Variants in PIK3C2G observed in about 807,000 individuals in gnomAD.
The protein encoded by PIK3C2G is phosphatidylinositol 3-kinase C2 domain-containing subunit gamma.
In PIK3C2G, 168 loss-of-function variants were observed where a neutral mutation model predicts 181.1. The ratio of observed to expected loss-of-function variants is 0.93; its 90% CI spans 0.82 to 1.05. The LOEUF (loss-of-function observed/expected upper bound fraction) is 1.05. Ranked by LOEUF, PIK3C2G falls within the 50% of genes least tolerant of loss-of-function variation. PIK3C2G has a pLI of 0.00. For missense variants in PIK3C2G, 1,869 were observed against 1,732.8 expected (o/e 1.08, Z -1.40); for synonymous variants, 573 against 592.2 (o/e 0.97, Z 0.47).
At chr12:18,384,145 T>C (rs544399692) in intron 14 of PIK3C2G, among the ~76,000 whole-genome samples, 1 of 152,160 alleles carries the variant, frequency 6.6e-6, no homozygotes, top group African/African-American at 2.4e-5. Context: ...GAAGAATATT[T>C]TAGTGATCTA....
At chr12:18,661,237 GA>G in the PIK3C2G span, among the ~76,000 whole-genome samples, 1 of 152,052 alleles carries the variant, frequency 6.6e-6, no homozygotes, top group Admixed American at 6.6e-5. Flanking sequence ...ATTATTTGAA[GA>G]AATAGTACCC....
At position 18,339,120 on chromosome 12, in the gene PIK3C2G, T is replaced by G. The variant is rs574796140; in HGVS notation, c.1395+572T>G. Among the ~76,000 whole-genome samples, 36 of 152,256 alleles carry G rather than the reference T, an allele frequency of 2.4e-4. 1 individual carries two copies. The highest frequency in any genetic ancestry group is 8.4e-4 in the African/African-American group (35 of 41,570). On this transcript the variant is annotated intron_variant, in intron 9 of 32. Coordinates refer to ENST00000538779, the MANE Select transcript of PIK3C2G (RefSeq NM_001288772.2). Reference sequence around the variant, plus strand: ...TGGTGGGCTTAAAAAATGGGCATTATGTGATTTTCTTTTGAATTCTCAGAA... The same window carrying G: ...TGGTGGGCTTAAAAAATGGGCATTAGGTGATTTTCTTTTGAATTCTCAGAA...
chr12:18,402,502 A>G (rs1944301456), intron 16 of PIK3C2G, among the ~76,000 whole-genome samples: 1 of 152,136 alleles, frequency 6.6e-6, no homozygotes, highest in Non-Finnish European at 1.5e-5. Flanking sequence ...AATGGGGTGG[A>G]TTGTATGGTA....
intron 29 of PIK3C2G, among the ~76,000 whole-genome samples, chr12:18,576,703 G>A (rs1006473483): frequency 6.6e-6 from 1 of 152,082 alleles, no homozygotes; most frequent in African/African-American, 2.4e-5. Flanking sequence ...TATGACTAAG[G>A]CTTCTGCCCT....
At chr12:18,369,178 G>C (rs1277858130) in intron 12 of PIK3C2G, among the ~76,000 whole-genome samples, 1 of 152,026 alleles carries the variant, frequency 6.6e-6, no homozygotes, top group Non-Finnish European at 1.5e-5. Context: ...AAAGATGCTC[G>C]GTCACTCTTC....
intron 24 of PIK3C2G, among the ~76,000 whole-genome samples, chr12:18,528,511 T>C (rs1943368572): frequency 6.6e-6 from 1 of 152,204 alleles, no homozygotes; most frequent in Non-Finnish European, 1.5e-5. Context: ...TACAAATGTA[T>C]TATTCAAACA....
At chr12:18,703,409 T>C in the PIK3C2G span, among the ~76,000 whole-genome samples, 84 of 152,228 alleles carry the variant, frequency 5.5e-4, 1 homozygote, top group Non-Finnish European at 2.6e-4. Flanking sequence ...ATTTATTATG[T>C]CAGGGAGAAA....
chr12:18,416,048 C>A (rs1356785056), intron 16 of PIK3C2G, among the ~76,000 whole-genome samples: 1 of 152,122 alleles, frequency 6.6e-6, no homozygotes, highest in Non-Finnish European at 1.5e-5. Context: ...GAGTTCAAGG[C>A]CAGATGGCCA....
At chr12:18,678,110 C>A in the PIK3C2G span, among the ~76,000 whole-genome samples, 1 of 152,072 alleles carries the variant, frequency 6.6e-6, no homozygotes. Context: ...GCCCAGCTGT[C>A]CACAGAGTCT....
intron 5 of PIK3C2G, among the ~76,000 whole-genome samples, chr12:18,309,283 C>T (rs1005802031): frequency 1.3e-5 from 2 of 151,736 alleles, no homozygotes; most frequent in Admixed American, 6.6e-5. Context: ...TGCAGATCTT[C>T]CAAATGTTGC....
intron 18 of PIK3C2G, among the ~76,000 whole-genome samples, chr12:18,448,309 A>T (rs989710652): frequency 4.6e-5 from 7 of 152,178 alleles, no homozygotes; most frequent in African/African-American, 1.7e-4. Context: ...TTTAATATAC[A>T]CACAATGATG....
intron 8 of PIK3C2G, among the ~76,000 whole-genome samples, chr12:18,333,863 A>G (rs1938234413): frequency 6.6e-6 from 1 of 152,208 alleles, no homozygotes; most frequent in South Asian, 2.1e-4. Flanking sequence ...GTTTAAATGC[A>G]TACTGCTTTG....
chr12:18,691,467 G>A, the PIK3C2G span, among the ~76,000 whole-genome samples: 1 of 152,096 alleles, frequency 6.6e-6, no homozygotes, highest in African/African-American at 2.4e-5. Context: ...AAGGAGAATA[G>A]TTTGAGACAA....
chr12:18,315,140 T>C (rs1950805578), intron 6 of PIK3C2G, among the ~76,000 whole-genome samples: 1 of 152,192 alleles, frequency 6.6e-6, no homozygotes, highest in Non-Finnish European at 1.5e-5. Context: ...GATGTTTTCT[T>C]TTTTTTCTAG....
chr12:18,358,801 T>C, intron 11 of PIK3C2G: 1 of 297,662 alleles, frequency 3.4e-6, no homozygotes. Flanking sequence ...TAGACTCATC[T>C]GTGTAGTCAA....
At chr12:18,541,430 T>G (rs887896949) in intron 25 of PIK3C2G, among the ~76,000 whole-genome samples, 2 of 151,904 alleles carry the variant, frequency 1.3e-5, no homozygotes, top group Non-Finnish European at 2.9e-5. Context: ...TCAGCTTTTC[T>G]CTCATTAAAA....
rs372379180 is a variant in PIK3C2G, at chr12:18,372,381, T to C, written c.1880+1070T>C. ...ATACAAGTTTGTTTACTAAATTGAA[T>C]TGAGGAAAAAAACAGTCCCTATATA... On this transcript the variant is annotated intron_variant, in intron 13 of 32. Coordinates refer to ENST00000538779, the MANE Select transcript of PIK3C2G (RefSeq NM_001288772.2). Among the ~76,000 whole-genome samples, 84 of 152,272 alleles carry C rather than the reference T, an allele frequency of 5.5e-4. 1 individual carries two copies. Among genetic ancestry groups the C allele is most frequent in the African/African-American group, 1.8e-3 (74 of 41,552 alleles).
downstream of PIK3C2G, among the ~76,000 whole-genome samples, chr12:18,651,218 T>C (rs1419040432): frequency 6.6e-6 from 1 of 152,002 alleles, no homozygotes; most frequent in African/African-American, 2.4e-5. Flanking sequence ...CAACTCCTTC[T>C]TCCCAAAATG....
At chr12:18,339,082 C>A (rs1238835937) in intron 9 of PIK3C2G, among the ~76,000 whole-genome samples, 1 of 151,926 alleles carries the variant, frequency 6.6e-6, no homozygotes, top group East Asian at 1.9e-4. Context: ...TCTATGGATC[C>A]CACATCATGA....
Sources: allele counts gnomAD v4.1 joint callset (sites outside exome capture counted in the v4.1 genomes callset), GRCh38; gene constraint gnomAD v4.1.1; transcripts MANE v1.5; gene names NCBI Gene and HGNC (gene_info 2026-07-23, HGNC 2026-07-21).